HDDC2: variants seen among roughly 807,000 people sequenced by gnomAD.
The protein encoded by HDDC2 is 5'-deoxynucleotidase HDDC2.
HDDC2 carries 25 observed loss-of-function variants against 25.5 expected under a neutral mutation model. The observed-to-expected ratio is 0.98, with a 90% CI of 0.72 to 1.37. The LOEUF (loss-of-function observed/expected upper bound fraction) is 1.37. Among genes scored for constraint, HDDC2 ranks in the 40% most tolerant of loss-of-function variants. HDDC2 has a pLI of 0.00. For missense variants in HDDC2, 264 were observed against 253.1 expected (o/e 1.04, Z -0.29); for synonymous variants, 106 against 89.7 (o/e 1.18, Z -1.03).
chr6:125,300,698 A>G (rs377220980), intron 1 of HDDC2, 39 bp from the exon 2 acceptor site: 302 of 1,595,606 alleles, frequency 1.9e-4, no homozygotes, highest in Admixed American at 2.9e-4. Context: ...TTTAAAGAAC[A>G]AATATTAACT....
chr6:125,293,116 G>A (rs1798655930), intron 3 of HDDC2: 1 of 639,760 alleles, frequency 1.6e-6, no homozygotes, highest in Non-Finnish European at 2.8e-6. Context: ...ATTCATATGG[G>A]CTTCGCTTAG....
intron 4 of HDDC2, among the ~76,000 whole-genome samples, chr6:125,285,086 T>G (rs950063192): frequency 1.3e-5 from 2 of 151,458 alleles, no homozygotes; most frequent in Non-Finnish European, 2.9e-5. Flanking sequence ...CCACCATATG[T>G]TCTCACTCAT....
chr6:125,282,163 T>C (rs1442063748), intron 4 of HDDC2, among the ~76,000 whole-genome samples: 1 of 151,984 alleles, frequency 6.6e-6, no homozygotes, highest in East Asian at 1.9e-4. Context: ...CTGGCCAACA[T>C]GGTGAAACCC....
At chr6:125,289,756 G>A (rs1220299812) in intron 4 of HDDC2, among the ~76,000 whole-genome samples, 1 of 152,144 alleles carries the variant, frequency 6.6e-6, no homozygotes, top group Admixed American at 6.5e-5. Context: ...ATCTCCAATT[G>A]ACTGAACTTC....
chr6:125,301,376 C>T (rs530377696), intron 1 of HDDC2, among the ~76,000 whole-genome samples: 13 of 151,930 alleles, frequency 8.6e-5, no homozygotes, highest in African/African-American at 2.9e-4. Context: ...ATAAAAAGCT[C>T]CACTTAAAAT....
At chr6:125,283,727 T>C (rs920077606) in intron 4 of HDDC2, among the ~76,000 whole-genome samples, 1 of 152,110 alleles carries the variant, frequency 6.6e-6, no homozygotes, top group Non-Finnish European at 1.5e-5. Context: ...ATCGTGAAAA[T>C]GGCCATACTG....
rs200794558 is a variant in HDDC2 at position 125,286,550 on chromosome 6, A to AT, written c.378+6290_378+6291insA. On this transcript the variant is annotated intron_variant, in intron 4 of 5. Transcript: ENST00000398153. ...TGTTGTGGAAAAAAGGATACGCACC[A>AT]CAATAGAGAAGTGGTTAAGTAAAAA... 6.6e-4 allele frequency among the ~76,000 whole-genome samples: 100 copies of AT among 152,348 alleles called. No individual in the cohort carries two copies. The East Asian group carries it at 0.014, about 22-fold the overall frequency.
chr6:125,293,732 C>G (rs1293175272), intron 3 of HDDC2, among the ~76,000 whole-genome samples: 1 of 152,160 alleles, frequency 6.6e-6, no homozygotes, highest in Non-Finnish European at 1.5e-5. Context: ...AACACAACGT[C>G]AAACAGGTGG....
intron 1 of HDDC2, among the ~76,000 whole-genome samples, chr6:125,301,548 C>T (rs571336080): frequency 6.7e-6 from 1 of 148,702 alleles, no homozygotes; most frequent in Admixed American, 6.6e-5. Flanking sequence ...TCAGTGCAGG[C>T]AGGGCCAGGC....
intron 4 of HDDC2, chr6:125,278,581 C>T (rs1000934118): frequency 6.6e-6 from 1 of 152,152 alleles, no homozygotes; most frequent in Non-Finnish European, 1.5e-5. Context: ...AATAATACTA[C>T]AGACAGAACT....
chr6:125,276,335 C>G (rs1798369197), intron 5 of HDDC2, 92 bp from the exon 6 acceptor site: 2 of 907,422 alleles, frequency 2.2e-6, no homozygotes, highest in South Asian at 2.8e-5. Context: ...TCACTGGGGG[C>G]TCTAGTCTAC....
At chr6:125,292,096 G>C (rs1798640032) in intron 4 of HDDC2, among the ~76,000 whole-genome samples, 2 of 152,134 alleles carry the variant, frequency 1.3e-5, no homozygotes. Flanking sequence ...CTTTGAAGAA[G>C]ATGTGAAAAG....
intron 4 of HDDC2, among the ~76,000 whole-genome samples, chr6:125,282,414 T>G (rs1798472836): frequency 6.6e-6 from 1 of 151,370 alleles, no homozygotes; most frequent in Non-Finnish European, 1.5e-5. Flanking sequence ...CCAGCCAAAC[T>G]AAGCTTCATA....
chr6:125,298,610 C>G, intron 3 of HDDC2, 104 bp downstream of exon 3: 1 of 803,234 alleles, frequency 1.2e-6, no homozygotes, highest in Non-Finnish European at 2.2e-6. Flanking sequence ...CTAAGACTAT[C>G]AAGGCGGTAT....
At chr6:125,291,615 T>C (rs937707150) in intron 4 of HDDC2, among the ~76,000 whole-genome samples, 3 of 152,178 alleles carry the variant, frequency 2.0e-5, no homozygotes, top group East Asian at 3.9e-4. Flanking sequence ...ACTGGTCCTC[T>C]GAGGTTTCTG....
rs1798377842 is a variant in HDDC2, at chr6:125,276,853, T to A, written c.517+249A>T. 9 of 503,922 alleles carry A rather than the reference T, an allele frequency of 1.8e-5. No individual in the cohort carries two copies. In the South Asian group the frequency reaches 2.2e-4, roughly 13 times the overall value. The allele number at this position is 503,922 out of a possible 1,614,324, so 31.2% of individuals were successfully genotyped here. ...GCATGGGGGACTGTTCAACCCAACATCTCTTCTCTCACCGTCTTTTCTTGC... is the reference window on the plus strand; with the variant it reads ...GCATGGGGGACTGTTCAACCCAACAACTCTTCTCTCACCGTCTTTTCTTGC... On this transcript the variant is annotated intron_variant, in intron 5 of 5. Coordinates refer to ENST00000398153, the MANE Select transcript of HDDC2 (RefSeq NM_016063.3).
At chr6:125,288,284 GA>G (rs1798573743) in intron 4 of HDDC2, among the ~76,000 whole-genome samples, 1 of 152,090 alleles carries the variant, frequency 6.6e-6, no homozygotes, top group African/African-American at 2.4e-5. Context: ...GGGAGGGGGA[GA>G]AAGGGGCAGG....
chr6:125,298,603 A>T (rs1226463720), intron 3 of HDDC2, 111 bp downstream of exon 3: 2 of 767,918 alleles, frequency 2.6e-6, no homozygotes, highest in Admixed American at 4.0e-5. Context: ...GACACTACTA[A>T]GACTATCAAG....
At position 125,301,866 on chromosome 6, in the gene HDDC2, G is replaced by T; in HGVS notation, c.67C>A (p.Leu23Met). 1 of 1,547,616 alleles carries T rather than the reference G, an allele frequency of 6.5e-7. No homozygotes were observed. The change falls in exon 1 of 6, where the codon CTG becomes ATG. Residue 23 changes from leucine (L) to methionine (M), a missense_variant. Physicochemically the swap from Leu to Met is conservative, Grantham distance 15. Transcript: ENST00000398153. ...CCGCTCACCTTGAGCTGCCCTACCA[G>T]CCGCAGGAACTGCAGTAGGGACCGA... ...GARSLLQFLR[L>M]VGQLKRVPRT...
Sources: allele counts gnomAD v4.1 joint callset (sites outside exome capture counted in the v4.1 genomes callset), GRCh38; gene constraint gnomAD v4.1.1; transcripts MANE v1.5; gene names NCBI Gene and HGNC (gene_info 2026-07-23, HGNC 2026-07-21).